The following ZNF185 variants were observed in gnomAD, a reference collection of about 807,000 sequenced individuals.
The protein encoded by ZNF185 is zinc finger protein 185.
Under a neutral mutation model 58.6 loss-of-function variants are expected in ZNF185, and 56 were observed. The observed-to-expected ratio is 0.95, with a 90% CI of 0.77 to 1.19. The LOEUF is 1.19. Ranked by LOEUF, ZNF185 falls within the 50% of genes most tolerant of loss-of-function variation. ZNF185 has a pLI of 0.00. For synonymous variants in ZNF185, 230 were observed against 215.9 expected, an observed-to-expected ratio of 1.07 and a Z score of -0.57; for missense variants, 627 against 573.5, an observed-to-expected ratio of 1.09 and a Z score of -0.95.
chrX:152,938,142 A>G (rs1556884355), exon 15 of ZNF185: 2 of 1,183,527 alleles, frequency 1.7e-6, no homozygotes, highest in African/African-American at 3.5e-5. Flanking sequence ...GCCCAGGAGG[A>G]TGCAAAGGCA....
At chrX:152,973,147 A>T (rs1180058731) in exon 23 of ZNF185, 7 of 111,938 alleles carry the variant, frequency 6.3e-5, no homozygotes, top group Non-Finnish European at 1.3e-4. Flanking sequence ...CGTTGGTGAG[A>T]GGTGCTATCC....
chrX:152,959,468 A>G lies in ZNF185; in HGVS notation c.1410-231A>G, dbSNP rs112685202. Among the ~76,000 whole-genome samples the G allele has an allele frequency of 6.8e-3, 764 of 112,250 alleles. 10 individuals carry two copies. Among genetic ancestry groups the G allele is most frequent in the African/African-American group, 0.023 (722 of 30,899 alleles). On this transcript the variant is annotated intron_variant, in intron 16 of 22. Coordinates refer to ENST00000449285, the Ensembl canonical transcript of ZNF185. Reference sequence around the variant, plus strand: ...ACGATGTCTTTTAACACCTCATTGAAGTCGTCAGGTGACTTTGCCCTTGTC... The same window carrying G: ...ACGATGTCTTTTAACACCTCATTGAGGTCGTCAGGTGACTTTGCCCTTGTC...
At chrX:152,903,271 C>A in the ZNF185 span, among the ~76,000 whole-genome samples, 1 of 106,850 alleles carries the variant, frequency 9.4e-6, no homozygotes, top group South Asian at 4.2e-4. Flanking sequence ...CGTCTGTAAT[C>A]CCGGCCACTA....
chrX:152,959,896 G>A (rs782701924), exon 17 of ZNF185: 1 of 1,207,927 alleles, frequency 8.3e-7, no homozygotes, highest in Admixed American at 2.2e-5. Flanking sequence ...TGCACCAGCA[G>A]GTACGAGCCA....
At position 152,959,983 on chromosome X, in the gene ZNF185, A is replaced by C. The variant is rs1479502398; in HGVS notation, c.1607+87A>C. ...AACCCAGGACAAACCCCCACACACT[A>C]GGCATGCCTGTTTATCCTCTGCAGG... On this transcript the variant is annotated intron_variant, in intron 17 of 22. Transcript: ENST00000449285. 3 of 934,383 alleles carry C rather than the reference A, an allele frequency of 3.2e-6. No individual in the cohort carries two copies. In the African/African-American group the frequency reaches 5.9e-5, roughly 18 times the overall value. The allele number at this position is 934,383 out of a possible 1,213,427, so 77.0% of individuals were successfully genotyped here. A position where few individuals can be genotyped will look rare whatever the true frequency, so the allele number is the denominator to read the frequency against.
At chrX:152,937,934 A>G in intron 14 of ZNF185, 140 bp from the exon 17 acceptor site, 1 of 531,202 alleles carries the variant, frequency 1.9e-6, no homozygotes, top group Non-Finnish European at 3.1e-6. Flanking sequence ...GTGCCACACT[A>G]ATGCCAGGAC....
At chrX:152,941,999 CAG>C (rs2047264302) in intron 15 of ZNF185, among the ~76,000 whole-genome samples, 1 of 111,700 alleles carries the variant, frequency 9.0e-6, no homozygotes, top group African/African-American at 3.3e-5. Context: ...CACGGGTCGT[CAG>C]GGCTGCCCAG....
chrX:152,970,358 A>C, intron 21 of ZNF185, 85 bp from the exon 24 acceptor site: 1 of 905,406 alleles, frequency 1.1e-6, no homozygotes, highest in Non-Finnish European at 1.6e-6. Context: ...CTGCTCGCCC[A>C]CCTTGTTCAG....
At chrX:152,967,381 G>C in intron 20 of ZNF185, 143 bp downstream of exon 22, 1 of 539,512 alleles carries the variant, frequency 1.9e-6, no homozygotes, top group Non-Finnish European at 3.0e-6. Flanking sequence ...CACTACCGTA[G>C]GGTGGTGCTT....
chrX:152,920,171 C>T (rs1939405928), intron 7 of ZNF185, among the ~76,000 whole-genome samples, 157 bp from the exon 9 acceptor site: 1 of 112,663 alleles, frequency 8.9e-6, no homozygotes, highest in African/African-American at 3.2e-5. Flanking sequence ...TCTACATTTC[C>T]TTTGAATAGT....
rs782672998 is a variant in ZNF185, at chrX:152,914,536, C to G, written c.34+13C>G. ...GGCCGCACCAAAGGTGAGGCCTGGG[C>G]TCCCTGGTTTCCCAGGCTCTGTTTG... is the stretch of plus-strand genomic sequence containing the variant. On this transcript the variant is annotated intron_variant, in intron 1 of 22. Transcript: ENST00000449285. The G allele has an allele frequency of 8.5e-7, 1 of 1,171,664 alleles. No individual in the cohort carries two copies. The highest frequency in any genetic ancestry group is 1.1e-6 in the Non-Finnish European group (1 of 873,175).
chrX:152,918,956 C>T (rs782635042), intron 6 of ZNF185, 27 bp from the exon 8 acceptor site: 83 of 1,148,587 alleles, frequency 7.2e-5, no homozygotes, highest in Non-Finnish European at 9.6e-5. Context: ...CAGCCTATGA[C>T]AGGAAAGCGC....
chrX:152,932,132 C>T (rs1364617684), intron 13 of ZNF185, among the ~76,000 whole-genome samples: 1 of 112,299 alleles, frequency 8.9e-6, no homozygotes, highest in Non-Finnish European at 1.9e-5. Flanking sequence ...GCTTTTACTG[C>T]AGGACAAAGC....
intron 16 of ZNF185, among the ~76,000 whole-genome samples, chrX:152,956,416 T>C (rs2048832946): frequency 8.9e-6 from 1 of 112,098 alleles, no homozygotes; most frequent in African/African-American, 3.2e-5. Context: ...TTAATATAAT[T>C]CACTAAAAAT....
chrX:152,970,344 G>T lies in ZNF185; in HGVS notation c.1975-99G>T. The T allele has an allele frequency of 4.2e-6, 3 of 713,610 alleles. No individual in the cohort carries two copies. In the East Asian group the frequency reaches 9.9e-5, roughly 24 times the overall value. 58.8% of individuals were successfully genotyped at this position (713,610 alleles called of 1,213,427 possible). On this transcript the variant is annotated intron_variant, in intron 21 of 22. Coordinates refer to ENST00000449285, the Ensembl canonical transcript of ZNF185. ...GTCCAGGATGTGCCACGGGCTCACAGCATCTGCTCGCCCACCTTGTTCAGG... is the reference window on the plus strand; with the variant it reads ...GTCCAGGATGTGCCACGGGCTCACATCATCTGCTCGCCCACCTTGTTCAGG...
intron 16 of ZNF185, among the ~76,000 whole-genome samples, chrX:152,957,700 C>T (rs1376215362): frequency 5.3e-5 from 6 of 112,289 alleles, no homozygotes; most frequent in African/African-American, 1.9e-4. Flanking sequence ...GCTTGCTGGG[C>T]CATCTTGAGC....
chrX:152,948,130 C>T (rs1312208814), intron 16 of ZNF185, among the ~76,000 whole-genome samples: 2 of 111,828 alleles, frequency 1.8e-5, no homozygotes, highest in Non-Finnish European at 3.8e-5. Context: ...AACCAAGCCA[C>T]GCTGAGCTAA....
At chrX:152,916,741 G>C (rs1185179084) in intron 3 of ZNF185, among the ~76,000 whole-genome samples, 2 of 112,723 alleles carry the variant, frequency 1.8e-5, no homozygotes, top group African/African-American at 6.4e-5. Flanking sequence ...GCTCTGACTG[G>C]GGAGCCTCCA....
At chrX:152,929,429 C>T (rs1200157444) in intron 12 of ZNF185, among the ~76,000 whole-genome samples, 12 of 111,073 alleles carry the variant, frequency 1.1e-4, no homozygotes, top group Non-Finnish European at 1.7e-4. Flanking sequence ...AAGGTCATCC[C>T]TTAATCCCTG....
Sources: allele counts gnomAD v4.1 joint callset (sites outside exome capture counted in the v4.1 genomes callset), GRCh38; gene constraint gnomAD v4.1.1; transcripts MANE v1.5; gene names NCBI Gene and HGNC (gene_info 2026-07-23, HGNC 2026-07-21).